TMEM171: variants seen among roughly 807,000 people sequenced by gnomAD.
The protein encoded by TMEM171 is proline-rich protein PRP2.
A neutral mutation model predicts 19.1 loss-of-function variants in TMEM171; 16 were observed. The observed-to-expected ratio is 0.84, with a 90% CI of 0.57 to 1.27. The LOEUF is 1.27. Ranked by LOEUF, TMEM171 falls within the 50% of genes most tolerant of loss-of-function variation. The pLI is 0.00. For synonymous variants in TMEM171, 153 were observed against 163.4 expected, an observed-to-expected ratio of 0.94 and a Z score of 0.48; for missense variants, 429 against 412.7, an observed-to-expected ratio of 1.04 and a Z score of -0.34.
chr5:73,124,887 C>T (rs1437292254), intron 2 of TMEM171, among the ~76,000 whole-genome samples: 1 of 152,166 alleles, frequency 6.6e-6, no homozygotes, highest in East Asian at 1.9e-4. Flanking sequence ...CACTTTTTTT[C>T]AGTCTCCTAC....
In TMEM171 at chr5:73,123,789, A is replaced by G; in HGVS notation, c.416A>G (p.Asn139Ser). The change falls in exon 2 of 4, where the codon AAC becomes AGC. Residue 139 changes from asparagine (N) to serine (S), a missense_variant. Transcript: ENST00000454765. ...ATTTGGGTCCCTGGATGTGGCTCCA[A>G]CTGGGCGCAGGAACCGCTAAACGAG... ...LGIWVPGCGS[N>S]WAQEPLNETD... 9 of 1,613,136 alleles carry G rather than the reference A, an allele frequency of 5.6e-6. No individual in the cohort carries two copies. Among genetic ancestry groups the G allele is most frequent in the South Asian group, 3.3e-5 (3 of 91,018 alleles).
In TMEM171 at chr5:73,123,832, A is replaced by G. The variant is rs141994801; in HGVS notation, c.459A>G (p.Ser153=). ...TAAACGAGACAGACACTGGCGACTC[A>G]GAGCCCCGGATGTGTGGGTTCCTTT... ...EPLNETDTGD[S]EPRMCGFLSL... Residue 153 remains serine (S), a synonymous_variant, in exon 2 of 4, where the codon TCA becomes TCG. Coordinates refer to ENST00000454765, the MANE Select transcript of TMEM171 (RefSeq NM_173490.8). 7.6e-3 allele frequency: 12,181 copies of G among 1,613,082 alleles called. 66 individuals carry two copies. Among genetic ancestry groups the G allele is most frequent in the Middle Eastern group, 0.012 (72 of 6,056 alleles).
chr5:73,130,383 C>T (rs1192938110), intron 3 of TMEM171, among the ~76,000 whole-genome samples: 2 of 152,138 alleles, frequency 1.3e-5, no homozygotes, highest in East Asian at 3.9e-4. Flanking sequence ...AGAATTGCTT[C>T]ACATTGTCAC....
At position 73,131,655 on chromosome 5, in the gene TMEM171, G is replaced by A; in HGVS notation, c.900G>A (p.Leu300=). 1.2e-6 allele frequency: 2 copies of A among 1,613,668 alleles called. No homozygotes were observed. The highest frequency in any genetic ancestry group is 2.2e-5 in the South Asian group (2 of 91,010). ...ASHTPHLPSE[L]PPRYEEKENA... ...ACACTCCACATCTTCCATCTGAATT[G>A]CCTCCTAGATATGAAGAAAAAGAAA... Residue 300 remains leucine, a synonymous_variant, in exon 4 of 4, where the codon TTG becomes TTA. Transcript: ENST00000454765.
intron 3 of TMEM171, among the ~76,000 whole-genome samples, chr5:73,129,051 C>T (rs373617166): frequency 2.0e-5 from 3 of 152,244 alleles, no homozygotes; most frequent in Non-Finnish European, 2.9e-5. Flanking sequence ...CTGTTACCGG[C>T]GGAGGGTGTC....
intron 2 of TMEM171, among the ~76,000 whole-genome samples, chr5:73,124,405 A>G (rs1308620408): frequency 2.0e-5 from 3 of 152,274 alleles, no homozygotes; most frequent in East Asian, 1.9e-4. Flanking sequence ...CCAAAACCAC[A>G]TAGCATTTTA....
At chr5:73,126,783 G>A (rs1744173343) in intron 2 of TMEM171, among the ~76,000 whole-genome samples, 1 of 152,142 alleles carries the variant, frequency 6.6e-6, no homozygotes, top group African/African-American at 2.4e-5. Flanking sequence ...AACCACTACA[G>A]GGAAGTAAAG....
At chr5:73,130,068 A>G (rs1275804058) in intron 3 of TMEM171, among the ~76,000 whole-genome samples, 2 of 151,920 alleles carry the variant, frequency 1.3e-5, no homozygotes, top group African/African-American at 4.8e-5. Flanking sequence ...CCAACTGAGA[A>G]GACGTGAGTG....
intron 2 of TMEM171, among the ~76,000 whole-genome samples, chr5:73,127,498 ATG>A (rs1744205372): frequency 2.1e-4 from 31 of 147,418 alleles, no homozygotes; most frequent in East Asian, 8.1e-4. Flanking sequence ...GTGCAGTGGC[ATG>A]ATCCTGGCTC....
rs1245892301 is a variant in TMEM171 at position 73,123,401 on chromosome 5, G to C, written c.28G>C (p.Asp10His). 6.2e-7 allele frequency: 1 copy of C among 1,613,692 alleles called. No homozygotes were observed. The highest frequency in any genetic ancestry group is 8.5e-7 in the Non-Finnish European group (1 of 1,179,736). The change falls in exon 2 of 4, where the codon GAT becomes CAT. Residue 10 changes from aspartate (D) to histidine (H), a missense_variant. By Grantham distance (81) the Asp-to-His change is moderately conservative (BLOSUM62 -1). Transcript: ENST00000454765. MSPAAAAEP[D>H]GDQQDRHVSK... ...GTCTCCTGCAGCTGCTGCTGAGCCA[G>C]ATGGGGACCAGCAGGACAGACACGT...
In TMEM171 at chr5:73,131,379, A is replaced by G. The variant is rs1744350148; in HGVS notation, c.783-159A>G. The stretch of plus-strand genomic sequence containing the variant: ...AGGAAAAGGAAGAGGTAAGAAATCA[A>G]AACAAATCTATGAAAAGTAGAGTGA... On this transcript the variant is annotated intron_variant, in intron 3 of 3. Transcript: ENST00000454765. 2.6e-5 allele frequency among the ~76,000 whole-genome samples: 4 copies of G among 152,180 alleles called. No individual in the cohort carries two copies. In the South Asian group the frequency reaches 8.3e-4, roughly 32 times the overall value.
Position 73,123,996 on chromosome 5 carries a change from C to A in TMEM171, c.623C>A (p.Pro208His). The A allele has an allele frequency of 6.4e-7, 1 of 1,557,764 alleles. No homozygotes were observed. Among genetic ancestry groups the A allele is most frequent in the Non-Finnish European group, 8.7e-7 (1 of 1,154,190 alleles). ...GAGGGACAGATCCAGATTATGGAGC[C>A]TGTCCAGGTCACTGTAGGTGGGTTG... ...REEGQIQIME[P>H]VQVTVGDSVI... Residue 208 changes from proline (P) to histidine (H), a missense_variant, in exon 2 of 4, where the codon CCT becomes CAT. Physicochemically the swap from Pro to His is moderately conservative, Grantham distance 77. Transcript: ENST00000454765.
chr5:73,120,744 C>T (rs1450261017), intron 1 of TMEM171, 48 bp downstream of exon 1: 9 of 983,774 alleles, frequency 9.1e-6, no homozygotes, highest in Non-Finnish European at 1.1e-5. Context: ...GCGGGTCGGG[C>T]GCTGAGCTGT....
intron 1 of TMEM171, among the ~76,000 whole-genome samples, chr5:73,121,289 C>G (rs1744001446): frequency 6.6e-6 from 1 of 152,182 alleles, no homozygotes; most frequent in Admixed American, 6.5e-5. Context: ...GTTGACTATA[C>G]TGGGAATAAA....
rs1177655850 is a variant in TMEM171, at chr5:73,123,482, G to A, written c.109G>A (p.Val37Ile). 2.5e-6 allele frequency: 4 copies of A among 1,614,218 alleles called. No homozygotes were observed. In the South Asian group the frequency reaches 3.3e-5, roughly 13 times the overall value. Reference sequence around the variant, plus strand: ...CGGCGCCGTCTTGTTGTGTGTGGGAGTCCTGCTCTCCATCTTTGGGTTCCA... The same window carrying A: ...CGGCGCCGTCTTGTTGTGTGTGGGAATCCTGCTCTCCATCTTTGGGTTCCA... ...VFGAVLLCVGVLLSIFGFQAC... is the reference protein window; with the variant it reads ...VFGAVLLCVGILLSIFGFQAC... Residue 37 changes from valine (V) to isoleucine (I), a missense_variant, in exon 2 of 4, where the codon GTC becomes ATC. Val to Ile is a conservative substitution (Grantham distance 29). Transcript: ENST00000454765.
chr5:73,126,184 G>C (rs1744158371), intron 2 of TMEM171, among the ~76,000 whole-genome samples: 1 of 152,146 alleles, frequency 6.6e-6, no homozygotes, highest in Admixed American at 6.5e-5. Flanking sequence ...GTTTTTGAGA[G>C]GTGATTGGCC....
At chr5:73,127,384 A>ATATATATATATATAT (rs1554078607) in intron 2 of TMEM171, among the ~76,000 whole-genome samples, 7 of 81,684 alleles carry the variant, frequency 8.6e-5, no homozygotes, top group African/African-American at 3.3e-4. Flanking sequence ...AAAAAAAAAA[A>ATATATATATATATAT]ATATATATAT....
At chr5:73,128,340 G>T (rs1305610756) in intron 2 of TMEM171, 50 bp from the exon 3 acceptor site, 3 of 1,586,266 alleles carry the variant, frequency 1.9e-6, no homozygotes, top group African/African-American at 2.7e-5. Context: ...TTGCTAATTT[G>T]CTTCCATTTA....
chr5:73,127,368 G>GT, intron 2 of TMEM171, among the ~76,000 whole-genome samples: 4 of 46,154 alleles, frequency 8.7e-5, no homozygotes, highest in African/African-American at 1.6e-4. Context: ...AAAATTTGTG[G>GT]TAAAAAAAAA....
Sources: gnomAD v4.1 joint callset for allele counts (sites outside exome capture counted in the v4.1 genomes callset) on GRCh38, gnomAD v4.1.1 for gene constraint, MANE v1.5 for transcripts, NCBI Gene and HGNC (gene_info 2026-07-23, HGNC 2026-07-21) for gene names.